KAZN: variants seen among roughly 807,000 people sequenced by gnomAD.
KAZN encodes kazrin.
In KAZN, 40 loss-of-function variants were observed where a neutral mutation model predicts 87.4. That is an observed-to-expected ratio of 0.46 (90% CI 0.36 to 0.60). The LOEUF (loss-of-function observed/expected upper bound fraction) is 0.60, where lower values mean the gene tolerates loss of function less well. KAZN is among the 20% of genes least tolerant of loss of function. The probability of loss-of-function intolerance (pLI) is 0.00; values close to 1 mark genes in which losing one functional copy is unlikely to be tolerated. For missense variants in KAZN, 898 were observed against 1,073.9 expected (o/e 0.84, Z 2.29); for synonymous variants, 466 against 458.3 (o/e 1.02, Z -0.22).
chr1:14,646,260 C>A (rs1171145392), intron 1 of KAZN, among the ~76,000 whole-genome samples: 2 of 152,128 alleles, frequency 1.3e-5, no homozygotes, highest in African/African-American at 4.8e-5. Context: ...AAGCTCTGTT[C>A]CTAGGCTGGG....
At position 13,893,972 on chromosome 1, in the gene KAZN, C is replaced by A. The variant is rs367570663; in HGVS notation, c.91+216C>A. ...AAAGTTTTTAGGACTTGCCATGAGA[C>A]AACGCGCTGCTTTTGCAATGAGTGA... On this transcript the variant is annotated intron_variant, in intron 1 of 16. Coordinates refer to the KAZN transcript ENST00000636203. Among the ~76,000 whole-genome samples, 6 of 152,190 alleles carry A rather than the reference C, an allele frequency of 3.9e-5. No individual in the cohort carries two copies. In the East Asian group the frequency reaches 9.6e-4, roughly 24 times the overall value.
At chr1:14,348,728 C>A (rs1332920114) in intron 2 of KAZN, among the ~76,000 whole-genome samples, 1 of 152,202 alleles carries the variant, frequency 6.6e-6, no homozygotes, top group African/African-American at 2.4e-5. Flanking sequence ...GATTTCCTTT[C>A]TGAACAACCA....
chr1:14,816,858 C>A (rs1646582451), intron 1 of KAZN, among the ~76,000 whole-genome samples: 1 of 152,046 alleles, frequency 6.6e-6, no homozygotes, highest in East Asian at 1.9e-4. Context: ...GATAGATGGT[C>A]CTAGCCACAC....
At chr1:13,992,461 A>G (rs1223455531) in intron 1 of KAZN, among the ~76,000 whole-genome samples, 3 of 152,090 alleles carry the variant, frequency 2.0e-5, no homozygotes, top group African/African-American at 7.2e-5. Context: ...CCCCTTAAGT[A>G]GTGAGTCATG....
At chr1:14,457,335 T>A (rs140135986) in intron 2 of KAZN, among the ~76,000 whole-genome samples, 116 of 152,326 alleles carry the variant, frequency 7.6e-4, no homozygotes, top group Middle Eastern at 3.4e-3. Context: ...AAATACCTGT[T>A]CGTTCCTTTC....
chr1:14,136,602 G>T (rs1645114092), intron 1 of KAZN, among the ~76,000 whole-genome samples: 1 of 138,248 alleles, frequency 7.2e-6, no homozygotes, highest in Non-Finnish European at 1.5e-5. Flanking sequence ...CAGCAGAGGT[G>T]ACTGAGGGCC....
At chr1:14,393,892 C>T (rs1370146196) in intron 2 of KAZN, among the ~76,000 whole-genome samples, 2 of 150,572 alleles carry the variant, frequency 1.3e-5, no homozygotes, top group Non-Finnish European at 2.9e-5. Context: ...GTAAACTCCC[C>T]AGCTGAAAGA....
intron 2 of KAZN, among the ~76,000 whole-genome samples, chr1:14,554,159 G>T (rs746068865): frequency 6.6e-5 from 10 of 152,094 alleles, no homozygotes; most frequent in Non-Finnish European, 1.2e-4. Context: ...ATGTCACTGG[G>T]TTCTCAGGGG....
intron 2 of KAZN, among the ~76,000 whole-genome samples, chr1:14,263,674 A>G (rs1300840685): frequency 1.3e-5 from 2 of 152,220 alleles, no homozygotes; most frequent in Non-Finnish European, 2.9e-5. Context: ...TTCAAACTGT[A>G]AAAGCAAACT....
intron 2 of KAZN, among the ~76,000 whole-genome samples, chr1:14,491,563 A>T (rs1669651876): frequency 6.6e-6 from 1 of 152,148 alleles, no homozygotes; most frequent in South Asian, 2.1e-4. Context: ...TAATGAGAAT[A>T]CCTTCTGTAT....
intron 2 of KAZN, among the ~76,000 whole-genome samples, chr1:14,510,349 G>C (rs978506438): frequency 1.3e-5 from 2 of 148,804 alleles, no homozygotes; most frequent in African/African-American, 5.0e-5. Flanking sequence ...TTGCACTCCA[G>C]CCTGGGCAAC....
chr1:14,757,885 A>G (rs1299988739), intron 1 of KAZN, among the ~76,000 whole-genome samples: 2 of 152,180 alleles, frequency 1.3e-5, no homozygotes, highest in Non-Finnish European at 2.9e-5. Flanking sequence ...GTTTAAGAAG[A>G]CTGAAGGAAG....
chr1:14,361,135 A>C (rs1044291374), intron 2 of KAZN, among the ~76,000 whole-genome samples: 20 of 152,180 alleles, frequency 1.3e-4, no homozygotes, highest in Non-Finnish European at 2.9e-5. Context: ...CTCCGCCCAG[A>C]GAGGAGGAAT....
intron 1 of KAZN, among the ~76,000 whole-genome samples, chr1:14,948,152 T>G (rs1662051756): frequency 6.6e-6 from 1 of 152,172 alleles, no homozygotes; most frequent in South Asian, 2.1e-4. Context: ...ACAAAAACAG[T>G]GTATCAGGAT....
rs1180090177 is a variant in KAZN, at chr1:14,975,336, TA to T, written c.418+14463del. Among the ~76,000 whole-genome samples, 5 of 152,188 alleles carry T rather than the reference TA, an allele frequency of 3.3e-5. 1 individual carries two copies. The highest frequency in any genetic ancestry group is 6.5e-5 in the Admixed American group (1 of 15,276). On this transcript the variant is annotated intron_variant, in intron 2 of 14. Coordinates refer to ENST00000376030, the MANE Select transcript of KAZN (RefSeq NM_201628.3). The stretch of plus-strand genomic sequence containing the variant: ...CCTGGCCCAGCTAGAGGCTGAGACA[TA>T]AGCTCCTGATAGCCAGGCAGGCTGG...
intron 2 of KAZN, among the ~76,000 whole-genome samples, chr1:14,276,536 ACT>A (rs536451037): frequency 6.3e-4 from 95 of 151,714 alleles, no homozygotes; most frequent in African/African-American, 2.1e-3. Context: ...TGTGGAGAAG[ACT>A]CTGTTCCAGG....
At chr1:14,577,513 G>A (rs930806706) in intron 2 of KAZN, among the ~76,000 whole-genome samples, 24 of 152,234 alleles carry the variant, frequency 1.6e-4, no homozygotes, top group Middle Eastern at 3.4e-3. Context: ...GGGCTGTCGG[G>A]GCTGGCTTCC....
intron 2 of KAZN, among the ~76,000 whole-genome samples, chr1:14,490,182 G>T (rs536324103): frequency 6.6e-6 from 1 of 152,320 alleles, no homozygotes; most frequent in Admixed American, 6.5e-5. Flanking sequence ...TCTGTGATTT[G>T]TCTGCTCTTA....
chr1:14,670,418 G>A (rs938236460), intron 1 of KAZN, among the ~76,000 whole-genome samples: 1 of 152,198 alleles, frequency 6.6e-6, no homozygotes, highest in Non-Finnish European at 1.5e-5. Flanking sequence ...GGTGGGGCCT[G>A]CTGATTTACG....
Sources: allele counts gnomAD v4.1 joint callset (sites outside exome capture counted in the v4.1 genomes callset), GRCh38; gene constraint gnomAD v4.1.1; transcripts MANE v1.5; gene names NCBI Gene and HGNC (gene_info 2026-07-23, HGNC 2026-07-21).